The following FER variants were observed in gnomAD, a reference collection of about 807,000 sequenced individuals.
FER encodes the protein FER tyrosine kinase.
FER carries 63 observed loss-of-function variants against 111.0 expected under a neutral mutation model. The observed-to-expected ratio is 0.57, with a 90% CI of 0.46 to 0.70. FER has a LOEUF of 0.70. FER is among the 30% of genes least tolerant of loss of function. FER has a pLI of 0.00. For synonymous variants in FER, 327 were observed against 313.9 expected (o/e 1.04, Z -0.44); for missense variants, 914 against 954.0 (o/e 0.96, Z 0.55).
chr5:109,131,710 A>G (rs1561935992), intron 17 of FER, among the ~76,000 whole-genome samples: 1 of 152,144 alleles, frequency 6.6e-6, no homozygotes, highest in Non-Finnish European at 1.5e-5. Context: ...GTTTGTCAGT[A>G]ATAGTAACTG....
intron 13 of FER, among the ~76,000 whole-genome samples, chr5:109,004,287 T>G (rs1581607845): frequency 6.6e-6 from 1 of 152,322 alleles, no homozygotes; most frequent in East Asian, 1.9e-4. Flanking sequence ...ACATATTGCA[T>G]ACATCAGAGA....
rs557662081 is a variant in FER, at chr5:109,144,279, C to T, written c.2049-36468C>T. Among the ~76,000 whole-genome samples the T allele has an allele frequency of 3.3e-5, 5 of 152,186 alleles. No individual in the cohort carries two copies. In the South Asian group the frequency reaches 6.2e-4, roughly 19 times the overall value. The stretch of plus-strand genomic sequence containing the variant: ...TTATAAATTGGATATCAGAGAGGCT[C>T]CTTATATCTCAGAGGCTGTGTGGGA... On this transcript the variant is annotated intron_variant, in intron 17 of 19. Coordinates refer to ENST00000281092, the MANE Select transcript of FER (RefSeq NM_005246.4).
At chr5:109,008,291 G>A (rs539624526) in intron 13 of FER, among the ~76,000 whole-genome samples, 1 of 152,204 alleles carries the variant, frequency 6.6e-6, no homozygotes, top group South Asian at 2.1e-4. Flanking sequence ...TGTTTACCAT[G>A]TTCCTAATAG....
intron 3 of FER, among the ~76,000 whole-genome samples, chr5:108,825,509 C>T (rs1759371958): frequency 6.6e-6 from 1 of 152,128 alleles, no homozygotes; most frequent in African/African-American, 2.4e-5. Context: ...TTATCCTGTT[C>T]TTTTTTCAGG....
chr5:108,933,580 C>A (rs184638065), intron 10 of FER, among the ~76,000 whole-genome samples: 1 of 152,170 alleles, frequency 6.6e-6, no homozygotes, highest in Non-Finnish European at 1.5e-5. Flanking sequence ...TGTATAGGCT[C>A]ATTTTTGGTT....
chr5:109,097,285 G>A (rs1747657942), intron 16 of FER, among the ~76,000 whole-genome samples: 1 of 151,774 alleles, frequency 6.6e-6, no homozygotes, highest in South Asian at 2.1e-4. Flanking sequence ...TGTAAGTATT[G>A]TCTTAGAAAT....
chr5:108,790,991 G>A (rs1755301441), intron 2 of FER, among the ~76,000 whole-genome samples: 1 of 152,114 alleles, frequency 6.6e-6, no homozygotes, highest in Admixed American at 6.5e-5. Flanking sequence ...CCTTTTCATT[G>A]CCAAATTATA....
intron 13 of FER, among the ~76,000 whole-genome samples, chr5:108,964,819 A>T (rs1469704245): frequency 6.6e-6 from 1 of 152,130 alleles, no homozygotes; most frequent in Non-Finnish European, 1.5e-5. Flanking sequence ...AAATTACAGT[A>T]AATTCCATGT....
In FER at chr5:108,883,399, G is replaced by A. The variant is rs780399296; in HGVS notation, c.927G>A (p.Leu309=). Residue 309 remains leucine (L), a synonymous_variant, in exon 9 of 20, where the codon TTG becomes TTA. Coordinates refer to ENST00000281092, the MANE Select transcript of FER (RefSeq NM_005246.4). ...NLTAESLQVM[L]KTLAEELMQT... ...TTGAGGATACTGTTTATTCTAGGTT[G>A]AAAACGTTAGCGGAAGAACTTATGC... is the stretch of plus-strand genomic sequence containing the variant. The A allele has an allele frequency of 1.6e-5, 25 of 1,602,080 alleles. No homozygotes were observed. Among genetic ancestry groups the A allele is most frequent in the Non-Finnish European group, 2.0e-5 (24 of 1,174,116 alleles).
intron 3 of FER, among the ~76,000 whole-genome samples, chr5:108,828,711 T>C (rs1217449730): frequency 1.3e-5 from 2 of 152,248 alleles, no homozygotes; most frequent in Non-Finnish European, 2.9e-5. Context: ...TAAAATTCAA[T>C]TGTAAGGAAT....
chr5:108,807,610 T>C (rs1490408925), intron 3 of FER, among the ~76,000 whole-genome samples: 1 of 152,234 alleles, frequency 6.6e-6, no homozygotes, highest in African/African-American at 2.4e-5. Flanking sequence ...TGATTGGATA[T>C]CAATTTCATT....
intron 12 of FER, among the ~76,000 whole-genome samples, chr5:108,955,234 ATG>A (rs1758286019): frequency 6.6e-6 from 1 of 151,878 alleles, no homozygotes; most frequent in Admixed American, 6.6e-5. Flanking sequence ...ACTAAAAACA[ATG>A]TGATTATTAT....
intron 17 of FER, among the ~76,000 whole-genome samples, chr5:109,133,075 G>T (rs1285891450): frequency 6.6e-6 from 1 of 152,102 alleles, no homozygotes; most frequent in Non-Finnish European, 1.5e-5. Context: ...TGGGATTTTT[G>T]TCATACTGTA....
At chr5:108,957,932 T>C (rs1387254553) in intron 12 of FER, among the ~76,000 whole-genome samples, 1 of 151,616 alleles carries the variant, frequency 6.6e-6, no homozygotes, top group African/African-American at 2.4e-5. Flanking sequence ...AATAGGTTAG[T>C]ACCTTCAGTG....
chr5:108,837,350 T>C (rs1417594455), intron 5 of FER, among the ~76,000 whole-genome samples: 3 of 152,186 alleles, frequency 2.0e-5, no homozygotes, highest in Non-Finnish European at 4.4e-5. Context: ...TCTCACTCTC[T>C]TGCAAAATTT....
chr5:109,028,355 A>C (rs757640071), intron 13 of FER, among the ~76,000 whole-genome samples: 18 of 149,770 alleles, frequency 1.2e-4, no homozygotes, highest in Non-Finnish European at 8.8e-5. Context: ...ATAAGTTAAA[A>C]AATCTGTTAG....
chr5:108,977,365 C>T (rs1482554365), intron 13 of FER, among the ~76,000 whole-genome samples: 1 of 152,094 alleles, frequency 6.6e-6, no homozygotes, highest in Non-Finnish European at 1.5e-5. Context: ...GGATTCATGA[C>T]ATACCTTTTT....
At chr5:109,003,171 T>G (rs1221272802) in intron 13 of FER, among the ~76,000 whole-genome samples, 1 of 152,228 alleles carries the variant, frequency 6.6e-6, no homozygotes, top group Non-Finnish European at 1.5e-5. Context: ...TGCACACGTA[T>G]GTTTATTGAA....
chr5:109,167,979 C>A (rs1756729709), intron 17 of FER, among the ~76,000 whole-genome samples: 1 of 152,056 alleles, frequency 6.6e-6, no homozygotes, highest in Non-Finnish European at 1.5e-5. Context: ...AGGCTCAGAG[C>A]AAGAGATGAC....
Sources: allele counts gnomAD v4.1 joint callset (sites outside exome capture counted in the v4.1 genomes callset), GRCh38; gene constraint gnomAD v4.1.1; transcripts MANE v1.5; gene names NCBI Gene and HGNC (gene_info 2026-07-23, HGNC 2026-07-21).